GLDC: variants seen among roughly 807,000 people sequenced by gnomAD.
GLDC encodes glycine decarboxylase.
A neutral mutation model predicts 121.3 loss-of-function variants in GLDC; 104 were observed. The ratio of observed to expected loss-of-function variants is 0.86; its 90% CI spans 0.73 to 1.01. The LOEUF is 1.01. GLDC is among the 50% of genes least tolerant of loss of function. The probability of loss-of-function intolerance (pLI) is 0.00; values close to 1 mark genes in which losing one functional copy is unlikely to be tolerated. For missense variants in GLDC, 1,429 were observed against 1,306.6 expected, an observed-to-expected ratio of 1.09 and a Z score of -1.44; for synonymous variants, 546 against 480.6, an observed-to-expected ratio of 1.14 and a Z score of -1.78.
In GLDC at chr9:6,579,614, C is replaced by T. The variant is rs1254548946; in HGVS notation, c.1850+7527G>A. Among the ~76,000 whole-genome samples, 8 of 152,156 alleles carry T rather than the reference C, an allele frequency of 5.3e-5. No individual in the cohort carries two copies. In the East Asian group the frequency reaches 1.5e-3, roughly 29 times the overall value. On this transcript the variant is annotated intron_variant, in intron 15 of 24. Coordinates refer to ENST00000321612, the MANE Select transcript of GLDC (RefSeq NM_000170.3). Reference sequence around the variant, plus strand: ...CCTTACGTGATCCTCCTATCTCAGCCTCCCAAAGTGCTGGGACTGTGAGCC... The same window carrying T: ...CCTTACGTGATCCTCCTATCTCAGCTTCCCAAAGTGCTGGGACTGTGAGCC...
intron 17 of GLDC, 193 bp downstream of exon 17, chr9:6,558,366 C>T (rs1042924629): frequency 1.5e-5 from 11 of 718,138 alleles, no homozygotes; most frequent in Non-Finnish European, 2.7e-5. Context: ...GTTTTTTACA[C>T]AAGCTGGAAT....
intron 16 of GLDC, among the ~76,000 whole-genome samples, chr9:6,561,789 G>A (rs1441659568): frequency 1.3e-5 from 2 of 152,168 alleles, no homozygotes; most frequent in African/African-American, 4.8e-5. Flanking sequence ...ACTCCCCAGG[G>A]TGCCGCGTGG....
intron 21 of GLDC, among the ~76,000 whole-genome samples, chr9:6,545,151 T>G (rs1321313943): frequency 6.6e-6 from 1 of 152,128 alleles, no homozygotes; most frequent in Non-Finnish European, 1.5e-5. Context: ...ATTCCTTTCT[T>G]TCCTCATTCT....
At chr9:6,554,889 G>C in intron 18 of GLDC, 108 bp from the exon 19 acceptor site, 1 of 790,372 alleles carries the variant, frequency 1.3e-6, no homozygotes. Flanking sequence ...AGGAAAAGCA[G>C]GCAGAGCCAC....
At chr9:6,559,745 G>A (rs552069099) in intron 16 of GLDC, among the ~76,000 whole-genome samples, 108 of 151,816 alleles carry the variant, frequency 7.1e-4, no homozygotes, top group African/African-American at 2.5e-3. Context: ...AATCCGGGAG[G>A]TGGAGGTTGC....
intron 22 of GLDC, among the ~76,000 whole-genome samples, chr9:6,538,484 C>G (rs1202521961): frequency 6.6e-6 from 1 of 152,216 alleles, no homozygotes; most frequent in Non-Finnish European, 1.5e-5. Flanking sequence ...GCTTTAAGAC[C>G]TGGAAACTGT....
At chr9:6,566,877 T>G (rs1264001237) in intron 15 of GLDC, among the ~76,000 whole-genome samples, 3 of 152,228 alleles carry the variant, frequency 2.0e-5, no homozygotes, top group African/African-American at 7.2e-5. Flanking sequence ...ATGTTCTCCA[T>G]GCCATCACCC....
At chr9:6,557,469 C>T (rs919552594) in intron 17 of GLDC, among the ~76,000 whole-genome samples, 18 of 152,126 alleles carry the variant, frequency 1.2e-4, no homozygotes, top group African/African-American at 3.9e-4. Flanking sequence ...TGGCACACGC[C>T]TGTAGTCCCA....
intron 2 of GLDC, among the ~76,000 whole-genome samples, chr9:6,640,909 C>T (rs951504594): frequency 1.3e-5 from 2 of 152,170 alleles, no homozygotes; most frequent in Non-Finnish European, 2.9e-5. Flanking sequence ...CTAATAAGGG[C>T]ACCATTCAGA....
chr9:6,537,312 C>T (rs1817149227), intron 22 of GLDC, among the ~76,000 whole-genome samples: 1 of 152,178 alleles, frequency 6.6e-6, no homozygotes, highest in South Asian at 2.1e-4. Context: ...AGCCACCACA[C>T]CAGGCCTATG....
intron 15 of GLDC, among the ~76,000 whole-genome samples, chr9:6,570,677 A>C (rs1817943011): frequency 6.6e-6 from 1 of 152,138 alleles, no homozygotes; most frequent in Admixed American, 6.5e-5. Flanking sequence ...AACATGGCGA[A>C]ACTTCGTCTC....
chr9:6,645,717 C>T lies in GLDC; in HGVS notation c.-218G>A. On this transcript the variant is annotated 5_prime_UTR_variant, in exon 1 of 25. Transcript: ENST00000321612. ...GTTGTGGCTCCACCCAAGGCACCTG[C>T]TCCGCACACTTTAAGCGGCGCCCTG... The T allele has an allele frequency of 3.3e-6, 1 of 298,758 alleles. No homozygotes were observed. Among genetic ancestry groups the T allele is most frequent in the Non-Finnish European group, 6.0e-6 (1 of 165,960 alleles). 18.5% of individuals were successfully genotyped at this position (298,758 alleles called of 1,614,324 possible).
chr9:6,605,717 T>A (rs551357563), intron 5 of GLDC, among the ~76,000 whole-genome samples: 8 of 152,136 alleles, frequency 5.3e-5, no homozygotes, highest in Non-Finnish European at 1.2e-4. Context: ...AAACCCCCCC[T>A]CTGAAGGGAT....
chr9:6,582,414 G>A (rs1262670923), intron 15 of GLDC, among the ~76,000 whole-genome samples: 2 of 152,062 alleles, frequency 1.3e-5, no homozygotes, highest in Non-Finnish European at 2.9e-5. Context: ...CCAGCTACTC[G>A]GGAGGCTGAG....
chr9:6,556,109 CA>C, intron 18 of GLDC, 43 bp downstream of exon 18: 4 of 1,548,964 alleles, frequency 2.6e-6, no homozygotes, highest in South Asian at 2.2e-5. Context: ...TCCACATATC[CA>C]TTTTCTCAGT....
chr9:6,566,919 G>A (rs1163338126), intron 15 of GLDC, among the ~76,000 whole-genome samples: 1 of 152,166 alleles, frequency 6.6e-6, no homozygotes, highest in Non-Finnish European at 1.5e-5. Context: ...TGAGGTCTGA[G>A]TGCTACATGC....
At chr9:6,633,981 C>T (rs1819445644) in intron 2 of GLDC, among the ~76,000 whole-genome samples, 1 of 151,726 alleles carries the variant, frequency 6.6e-6, no homozygotes, top group African/African-American at 2.4e-5. Flanking sequence ...AGGCGCCCGC[C>T]ACCAGGCCCA....
chr9:6,620,443 T>G, intron 2 of GLDC, 124 bp from the exon 3 acceptor site: 1 of 843,902 alleles, frequency 1.2e-6, no homozygotes, highest in Non-Finnish European at 2.0e-6. Flanking sequence ...AATGTAAGAG[T>G]CATCCATCCA....
chr9:6,547,670 G>C (rs986116082), intron 21 of GLDC, among the ~76,000 whole-genome samples: 28 of 152,056 alleles, frequency 1.8e-4, no homozygotes, highest in African/African-American at 5.6e-4. Flanking sequence ...TTCAAGCAAA[G>C]GATACTCACG....
Sources: allele counts gnomAD v4.1 joint callset (sites outside exome capture counted in the v4.1 genomes callset), GRCh38; gene constraint gnomAD v4.1.1; transcripts MANE v1.5; gene names NCBI Gene and HGNC (gene_info 2026-07-23, HGNC 2026-07-21).